NRG1: variants seen among roughly 807,000 people sequenced by gnomAD.
NRG1 encodes the protein pro-neuregulin-1, membrane-bound isoform.
NRG1 carries 18 observed loss-of-function variants against 63.8 expected under a neutral mutation model. The observed-to-expected ratio is 0.28, with a 90% CI of 0.19 to 0.42. The LOEUF is 0.42. NRG1 is among the 10% of genes least tolerant of loss of function. NRG1 has a pLI of 1.00. For missense variants in NRG1, 762 were observed against 814.7 expected (o/e 0.94, Z 0.79); for synonymous variants, 302 against 301.3 (o/e 1.00, Z -0.02).
At chr8:31,982,031 C>G (rs1467151748) in intron 1 of NRG1, among the ~76,000 whole-genome samples, 1 of 151,834 alleles carries the variant, frequency 6.6e-6, no homozygotes, top group African/African-American at 2.4e-5. Flanking sequence ...GGCAGGAGCA[C>G]AGAGATTTTG....
At chr8:31,947,357 C>T (rs939646422) in intron 1 of NRG1, among the ~76,000 whole-genome samples, 1 of 150,488 alleles carries the variant, frequency 6.6e-6, no homozygotes, top group Non-Finnish European at 1.5e-5. Flanking sequence ...TAATATGTAA[C>T]CTTCTCTTCC....
At chr8:32,286,282 C>G (rs1853509762) in intron 1 of NRG1, among the ~76,000 whole-genome samples, 1 of 152,184 alleles carries the variant, frequency 6.6e-6, no homozygotes, top group South Asian at 2.1e-4. Context: ...CTGGGCGGTG[C>G]TGCAGATCTG....
intron 1 of NRG1, among the ~76,000 whole-genome samples, chr8:32,093,970 C>T (rs950868359): frequency 6.6e-6 from 1 of 152,166 alleles, no homozygotes; most frequent in African/African-American, 2.4e-5. Context: ...GGTTTGAAAG[C>T]AGAGCTTCCC....
At chr8:32,549,996 T>C (rs950672834) in intron 1 of NRG1, among the ~76,000 whole-genome samples, 1 of 152,228 alleles carries the variant, frequency 6.6e-6, no homozygotes, top group South Asian at 2.1e-4. Flanking sequence ...ACAGTAATAC[T>C]GTAGAAGTAT....
chr8:31,927,994 TTAA>T (rs1442966041), intron 1 of NRG1, among the ~76,000 whole-genome samples: 1 of 44,648 alleles, frequency 2.2e-5, no homozygotes, highest in African/African-American at 8.0e-5. Context: ...TTAGGTATAT[TTAA>T]AAAAAAAAAA....
intron 1 of NRG1, among the ~76,000 whole-genome samples, chr8:32,082,779 A>G (rs937630603): frequency 1.3e-5 from 2 of 152,042 alleles, no homozygotes; most frequent in South Asian, 4.1e-4. Context: ...CTAGGTATCA[A>G]TTTTCCCAAA....
intron 1 of NRG1, among the ~76,000 whole-genome samples, chr8:32,033,964 T>C (rs553674289): frequency 5.0e-4 from 76 of 152,356 alleles, no homozygotes; most frequent in African/African-American, 1.5e-3. Context: ...CTGATTGCTC[T>C]GGCCATAACT....
At chr8:32,670,970 C>G (rs1805493333) in intron 5 of NRG1, among the ~76,000 whole-genome samples, 1 of 152,096 alleles carries the variant, frequency 6.6e-6, no homozygotes, top group Admixed American at 6.6e-5. Flanking sequence ...TCACACATCT[C>G]ACATTGAGAG....
At chr8:32,173,813 C>A (rs1416503734) in intron 1 of NRG1, among the ~76,000 whole-genome samples, 1 of 152,102 alleles carries the variant, frequency 6.6e-6, no homozygotes, top group African/African-American at 2.4e-5. Context: ...TATATGCACC[C>A]AATACAGGAG....
At chr8:31,751,881 C>T (rs763588530) in intron 1 of NRG1, among the ~76,000 whole-genome samples, 11 of 151,964 alleles carry the variant, frequency 7.2e-5, no homozygotes, top group Non-Finnish European at 7.4e-5. Flanking sequence ...TATGGAGATA[C>T]GGAATGCTCA....
chr8:32,436,327 T>G, intron 1 of NRG1, among the ~76,000 whole-genome samples: 1 of 152,168 alleles, frequency 6.6e-6, no homozygotes, highest in East Asian at 1.9e-4. Flanking sequence ...CACATGGGAA[T>G]TATGGGAGCT....
At position 31,835,081 on chromosome 8, in the gene NRG1, G is replaced by A. The variant is rs961229525; in HGVS notation, c.37+195650G>A. Among the ~76,000 whole-genome samples the A allele has an allele frequency of 2.0e-5, 3 of 152,174 alleles. No individual in the cohort carries two copies. The South Asian group carries it at 6.2e-4, about 32-fold the overall frequency. ...GGATTAGATAATCATTGTAAAAAAT[G>A]TTTAATAGAGCATTTTTTACAATAC... On this transcript the variant is annotated intron_variant, in intron 1 of 10. Coordinates refer to the NRG1 transcript ENST00000519301.
chr8:31,772,330 T>G (rs1442702667), intron 1 of NRG1, among the ~76,000 whole-genome samples: 2 of 152,158 alleles, frequency 1.3e-5, no homozygotes, highest in Non-Finnish European at 2.9e-5. Context: ...CGGAAAGACC[T>G]GTCTTCTGTT....
chr8:32,139,758 A>G (rs949618093), intron 1 of NRG1, among the ~76,000 whole-genome samples: 7 of 152,178 alleles, frequency 4.6e-5, no homozygotes, highest in Non-Finnish European at 7.3e-5. Context: ...AAAATCAATG[A>G]AATAAAATAA....
chr8:32,577,734 T>C (rs1839921825), intron 1 of NRG1, among the ~76,000 whole-genome samples: 1 of 152,126 alleles, frequency 6.6e-6, no homozygotes, highest in Non-Finnish European at 1.5e-5. Context: ...CCTTGGTTCT[T>C]GAGGACATTT....
rs1209538287 is a variant in NRG1 at position 31,995,295 on chromosome 8, A to G, written c.37+355864A>G. On this transcript the variant is annotated intron_variant, in intron 1 of 10. Coordinates refer to the NRG1 transcript ENST00000519301. Reference sequence around the variant, plus strand: ...TGTGATTTATATATACTGCTATGGTAGCACTTAGGTAATAATATTATTGTA... The same window carrying G: ...TGTGATTTATATATACTGCTATGGTGGCACTTAGGTAATAATATTATTGTA... 2.0e-5 allele frequency among the ~76,000 whole-genome samples: 3 copies of G among 152,002 alleles called. No homozygotes were observed. The East Asian group carries it at 5.8e-4, about 30-fold the overall frequency.
At chr8:32,583,868 A>C (rs893783145) in intron 1 of NRG1, among the ~76,000 whole-genome samples, 2 of 152,174 alleles carry the variant, frequency 1.3e-5, no homozygotes, top group African/African-American at 2.4e-5. Flanking sequence ...GGGTAAGGAA[A>C]ACGATATGTT....
intron 1 of NRG1, among the ~76,000 whole-genome samples, chr8:31,706,511 A>G (rs1200082588): frequency 6.6e-6 from 1 of 152,198 alleles, no homozygotes; most frequent in Non-Finnish European, 1.5e-5. Context: ...TATAAACAAT[A>G]CTGCAAAGAA....
At chr8:31,805,627 G>C (rs1822192387) in intron 1 of NRG1, among the ~76,000 whole-genome samples, 1 of 152,024 alleles carries the variant, frequency 6.6e-6, no homozygotes, top group African/African-American at 2.4e-5. Flanking sequence ...AGGAGATGGA[G>C]ACCATCCTGG....
Sources: gnomAD v4.1 joint callset for allele counts (sites outside exome capture counted in the v4.1 genomes callset) on GRCh38, gnomAD v4.1.1 for gene constraint, MANE v1.5 for transcripts, NCBI Gene and HGNC (gene_info 2026-07-23, HGNC 2026-07-21) for gene names.